MYO7B: variants seen among roughly 807,000 people sequenced by gnomAD.
MYO7B encodes the protein myosin VIIB, also known as unconventional myosin-VIIb.
A neutral mutation model predicts 259.7 loss-of-function variants in MYO7B; 212 were observed. The observed-to-expected ratio is 0.82, with a 90% confidence interval of 0.73 to 0.91. MYO7B has a LOEUF of 0.91. Ranked by LOEUF, MYO7B falls within the 40% of genes least tolerant of loss-of-function variation. The pLI is 0.00. For missense variants in MYO7B, 2,732 were observed against 2,813.5 expected, an observed-to-expected ratio of 0.97 and a Z score of 0.66; for synonymous variants, 1,197 against 1,166.4, an observed-to-expected ratio of 1.03 and a Z score of -0.54.
chr2:127,581,026 G>A (rs922340986), intron 10 of MYO7B, among the ~76,000 whole-genome samples: 4 of 152,310 alleles, frequency 2.6e-5, no homozygotes, highest in Middle Eastern at 3.4e-3. Flanking sequence ...GCGGCGGAAT[G>A]GCCAGTTTGG....
At position 127,614,306 on chromosome 2, in the gene MYO7B, G is replaced by T. The variant is rs1680492771; in HGVS notation, c.3398+1703G>T. On this transcript the variant is annotated intron_variant, in intron 26 of 47. Coordinates refer to ENST00000409816, the MANE Select transcript of MYO7B (RefSeq NM_001393586.1). This position sits in a 1 kb window ranked among gnomAD's most constrained non-coding sequence, Gnocchi z 4.6. ...CATCCCACAGCCTCTTACTGCTGGG[G>T]TCTTCTAGAAAATGGGCTGCCTGCT... Among the ~76,000 whole-genome samples the T allele has an allele frequency of 6.6e-6, 1 of 152,052 alleles. No homozygotes were observed. Among genetic ancestry groups the T allele is most frequent in the Non-Finnish European group, 1.5e-5 (1 of 68,032 alleles).
intron 2 of MYO7B, 112 bp from the exon 3 acceptor site, chr2:127,564,041 G>A (rs1405765689): frequency 8.4e-6 from 6 of 711,638 alleles, no homozygotes. Context: ...ACAAGCTCCA[G>A]CCACCTTGGG....
In MYO7B at chr2:127,627,411, G is replaced by A. The variant is rs1225108872; in HGVS notation, c.4460+101G>A. On this transcript the variant is annotated intron_variant, in intron 33 of 47. Coordinates refer to ENST00000409816, the MANE Select transcript of MYO7B (RefSeq NM_001393586.1). This position sits in a 1 kb window ranked among gnomAD's most constrained non-coding sequence, Gnocchi z 5.6. Reference sequence around the variant, plus strand: ...GGAGAGGGGCAGTGTGCCGTCCCGGGTAACAGGCCGGGGTGGAGGGACAAG... The same window carrying A: ...GGAGAGGGGCAGTGTGCCGTCCCGGATAACAGGCCGGGGTGGAGGGACAAG... 1.1e-5 allele frequency: 17 copies of A among 1,491,436 alleles called. No homozygotes were observed. The highest frequency in any genetic ancestry group is 2.3e-5 in the East Asian group (1 of 42,958). 92.4% of individuals were successfully genotyped at this position (1,491,436 alleles called of 1,614,324 possible).
At chr2:127,601,778 A>G (rs1199328155) in intron 19 of MYO7B, among the ~76,000 whole-genome samples, 3 of 152,236 alleles carry the variant, frequency 2.0e-5, no homozygotes, top group Non-Finnish European at 4.4e-5. Flanking sequence ...CATACATTAA[A>G]TTCTCCCTTA....
In MYO7B at chr2:127,576,876, A is replaced by G. The variant is rs1339648407; in HGVS notation, c.849+168A>G. On this transcript the variant is annotated intron_variant, in intron 8 of 47. Transcript: ENST00000409816. This position sits in a 1 kb window ranked among gnomAD's most constrained non-coding sequence, Gnocchi z 4.9. ...CGCCAGCCCCTCTCTGCTGGGAATC[A>G]CCTTGCCCGCGTGCCTCCCGCTTCC... 1.3e-5 allele frequency among the ~76,000 whole-genome samples: 2 copies of G among 151,604 alleles called. No individual in the cohort carries two copies. The highest frequency in any genetic ancestry group is 2.9e-5 in the Non-Finnish European group (2 of 67,832).
intron 1 of MYO7B, among the ~76,000 whole-genome samples, chr2:127,545,083 A>G (rs1466243255): frequency 6.6e-6 from 1 of 152,228 alleles, no homozygotes; most frequent in East Asian, 1.9e-4. Flanking sequence ...ACCTGAATCC[A>G]GCAGACCTCT....
At chr2:127,573,582 C>A (rs1558808424) in intron 6 of MYO7B, among the ~76,000 whole-genome samples, 1 of 152,204 alleles carries the variant, frequency 6.6e-6, no homozygotes, top group Non-Finnish European at 1.5e-5. Context: ...GAATGATTGC[C>A]CAAGTTCTGA....
Position 127,607,060 on chromosome 2 carries a change from T to C in MYO7B, c.2425-146T>C, listed in dbSNP as rs1349721515. 6.8e-5 allele frequency: 47 copies of C among 689,944 alleles called. No individual in the cohort carries two copies. The highest frequency in any genetic ancestry group is 1.0e-4 in the Non-Finnish European group (42 of 410,128). The allele number at this position is 689,944 out of a possible 1,614,324, so 42.7% of individuals were successfully genotyped here. Reference sequence around the variant, plus strand: ...CAATAACTCACTATTCTTGTGTTCATAGGTGTGTACCATTCTAGCACCGGC... The same window carrying C: ...CAATAACTCACTATTCTTGTGTTCACAGGTGTGTACCATTCTAGCACCGGC... On this transcript the variant is annotated intron_variant, in intron 20 of 47. Coordinates refer to ENST00000409816, the MANE Select transcript of MYO7B (RefSeq NM_001393586.1). This position sits in a 1 kb window ranked among gnomAD's most constrained non-coding sequence, Gnocchi z 4.4.
chr2:127,634,354 C>A, intron 41 of MYO7B, 65 bp downstream of exon 41: 1 of 1,239,244 alleles, frequency 8.1e-7, no homozygotes, highest in Non-Finnish European at 1.1e-6. Context: ...CTAGGTGCTG[C>A]CTGTGGGGGC....
At chr2:127,550,514 C>T (rs888475103) in intron 1 of MYO7B, among the ~76,000 whole-genome samples, 5 of 150,454 alleles carry the variant, frequency 3.3e-5, no homozygotes, top group Non-Finnish European at 7.4e-5. Context: ...GCTGGGATCA[C>T]GCAACTGCAC....
chr2:127,554,788 A>G (rs1693577300), intron 1 of MYO7B, among the ~76,000 whole-genome samples: 1 of 152,020 alleles, frequency 6.6e-6, no homozygotes. Context: ...CAGGGTATCT[A>G]ATTCTTCCTG....
In MYO7B at chr2:127,636,524, C is replaced by T. The variant is rs376717345; in HGVS notation, c.6124-21C>T. 5.3e-5 allele frequency: 85 copies of T among 1,600,594 alleles called. No homozygotes were observed. Among genetic ancestry groups the T allele is most frequent in the Admixed American group, 2.1e-4 (12 of 58,182 alleles). On this transcript the variant is annotated intron_variant, in intron 45 of 47. Coordinates refer to ENST00000409816, the MANE Select transcript of MYO7B (RefSeq NM_001393586.1). This position sits in a 1 kb window ranked among gnomAD's most constrained non-coding sequence, Gnocchi z 4.5. ...CTGGCCTCCCGGGCTGGACTATGAC[C>T]GCCGTGTCCCTCCCTCCCAGCAAAC...
intron 1 of MYO7B, among the ~76,000 whole-genome samples, chr2:127,554,509 C>T (rs1024236066): frequency 1.5e-4 from 23 of 152,190 alleles, no homozygotes; most frequent in Admixed American, 1.4e-3. Flanking sequence ...ATTTTTGCAT[C>T]TATGTTCATC....
Position 127,632,350 on chromosome 2 carries a change from G to C in MYO7B, c.5354G>C (p.Arg1785Thr), listed in dbSNP as rs747886694. 6.3e-7 allele frequency: 1 copy of C among 1,599,786 alleles called. No homozygotes were observed. Among genetic ancestry groups the C allele is most frequent in the Non-Finnish European group, 8.5e-7 (1 of 1,172,850 alleles). The change falls in exon 39 of 48, where the codon AGG (arginine) becomes ACG (threonine). Residue 1785 changes from arginine to threonine, a missense_variant. This residue lies in a region of MYO7B where 821 missense variants were observed against 769.3 expected (regional missense o/e 1.07). Transcript: ENST00000409816. Reference protein sequence around the residue: ...PHAQKFIDTRRGKLLAPDCSR... With the variant: ...PHAQKFIDTRTGKLLAPDCSR... Reference sequence around the variant, plus strand: ...GCCCAGAAGTTTATAGACACTCGGAGGGGGAAGCTGCTGGCCCCCGACTGC... The same window carrying C: ...GCCCAGAAGTTTATAGACACTCGGACGGGGAAGCTGCTGGCCCCCGACTGC...
chr2:127,543,532 CTCTT>C (rs2104796671), intron 1 of MYO7B, among the ~76,000 whole-genome samples: 1 of 152,222 alleles, frequency 6.6e-6, no homozygotes, highest in African/African-American at 2.4e-5. Flanking sequence ...AGTCTGATCT[CTCTT>C]TCTTTTCCCC....
intron 36 of MYO7B, 139 bp from the exon 37 acceptor site, chr2:127,631,067 G>A (rs1681473166): frequency 1.4e-6 from 2 of 1,393,986 alleles, no homozygotes; most frequent in Admixed American, 5.2e-5. Context: ...GCCTTCCCAG[G>A]CCAGGGGAGT....
rs377192509 is a variant in MYO7B at position 127,559,768 on chromosome 2, G to A, written c.18+28G>A. ...AAGAATTGTATGATTTGATCTAGGG[G>A]TTATTGGTGTAAGTTACTCAAGGCC... On this transcript the variant is annotated intron_variant, in intron 2 of 47. Coordinates refer to ENST00000409816, the MANE Select transcript of MYO7B (RefSeq NM_001393586.1). The surrounding 1 kb of genome is among the most constrained non-coding windows in gnomAD (Gnocchi z 4.1). The A allele has an allele frequency of 3.1e-6, 5 of 1,613,692 alleles. No homozygotes were observed. The highest frequency in any genetic ancestry group is 1.7e-5 in the Admixed American group (1 of 60,014).
intron 17 of MYO7B, among the ~76,000 whole-genome samples, 160 bp downstream of exon 17, chr2:127,593,106 A>G (rs926568098): frequency 2.0e-5 from 3 of 150,076 alleles, no homozygotes; most frequent in Non-Finnish European, 4.4e-5. Context: ...CTCCCACCCT[A>G]CCCTCTCCCT....
rs1573685402 is a variant in MYO7B at position 127,607,983 on chromosome 2, G to GA, written c.2643+562dup. Among the ~76,000 whole-genome samples the GA allele has an allele frequency of 6.6e-6, 1 of 152,204 alleles. No homozygotes were observed. Among genetic ancestry groups the GA allele is most frequent in the East Asian group, 1.9e-4 (1 of 5,188 alleles). On this transcript the variant is annotated intron_variant, in intron 21 of 47. Transcript: ENST00000409816. The surrounding 1 kb of genome is among the most constrained non-coding windows in gnomAD (Gnocchi z 4.4). Reference sequence around the variant, plus strand: ...TGTGTATGACAGCTCAGGGGACAGAGAAATATTAATACCAAGGGGAGCTGC... The same window carrying GA: ...TGTGTATGACAGCTCAGGGGACAGAGAAAATATTAATACCAAGGGGAGCTGC...
Sources: gnomAD v4.1 joint callset for allele counts (sites outside exome capture counted in the v4.1 genomes callset) on GRCh38, gnomAD v4.1.1 for gene constraint, gnomAD v4.1.1 regional missense constraint, Gnocchi (gnomAD v3.1) non-coding constraint, MANE v1.5 for transcripts, NCBI Gene and HGNC (gene_info 2026-07-23, HGNC 2026-07-21) for gene names.